PPP1R42: variants seen among roughly 807,000 people sequenced by gnomAD.
PPP1R42 encodes protein phosphatase 1 regulatory subunit 42.
Under a neutral mutation model 31.0 loss-of-function variants are expected in PPP1R42, and 34 were observed. The observed-to-expected ratio is 1.10, with a 90% CI of 0.83 to 1.46. PPP1R42 has a LOEUF of 1.46. Ranked by LOEUF, PPP1R42 falls within the 40% of genes most tolerant of loss-of-function variation. PPP1R42 has a pLI of 0.00. For missense variants in PPP1R42, 268 were observed against 303.0 expected, an observed-to-expected ratio of 0.88 and a Z score of 0.86; for synonymous variants, 103 against 109.8, an observed-to-expected ratio of 0.94 and a Z score of 0.39.
intron 5 of PPP1R42, among the ~76,000 whole-genome samples, chr8:66,990,913 A>G (rs1031388064): frequency 2.6e-5 from 4 of 152,192 alleles, no homozygotes; most frequent in Admixed American, 2.6e-4. Context: ...CAGAGGTTGA[A>G]TAAATTAGAA....
rs555435890 is a variant in PPP1R42 at position 66,996,887 on chromosome 8, C to T, written c.553-8370G>A. Among the ~76,000 whole-genome samples, 8 of 152,268 alleles carry T rather than the reference C, an allele frequency of 5.3e-5. No individual in the cohort carries two copies. The South Asian group carries it at 1.5e-3, about 28-fold the overall frequency. ...GAATTTTTGGCTGGGCACGGTGGCT[C>T]ACACCTGTATTTCTAGCACTTTGGG... On this transcript the variant is annotated intron_variant, in intron 5 of 7. Transcript: ENST00000685739.
At chr8:66,971,269 T>C in intron 7 of PPP1R42, 1 of 571,368 alleles carries the variant, frequency 1.8e-6, no homozygotes, top group Non-Finnish European at 2.7e-6. Flanking sequence ...AAACTAGTAA[T>C]AAAATTAATA....
chr8:66,981,644 G>C (rs1814841933), intron 7 of PPP1R42, among the ~76,000 whole-genome samples: 1 of 152,110 alleles, frequency 6.6e-6, no homozygotes, highest in Non-Finnish European at 1.5e-5. Context: ...TCCTCCCAAA[G>C]TGCTGGGATT....
intron 5 of PPP1R42, among the ~76,000 whole-genome samples, chr8:66,998,423 T>C (rs1016646087): frequency 6.6e-6 from 1 of 152,258 alleles, no homozygotes; most frequent in African/African-American, 2.4e-5. Context: ...CTTTGCTAAA[T>C]ACACTCCATA....
At chr8:66,973,655 T>C (rs1814596262) in intron 7 of PPP1R42, among the ~76,000 whole-genome samples, 1 of 152,150 alleles carries the variant, frequency 6.6e-6, no homozygotes, top group African/African-American at 2.4e-5. Context: ...ATTATTTTTT[T>C]TACCTTAGGT....
Position 66,966,461 on chromosome 8 carries a change from AT to A in PPP1R42, c.803-2128del, listed in dbSNP as rs374344223. ...CCATCTATAAAATGGGGCTTATAGT[AT>A]TCTTAAAAGAGTTCCGTTGTCTTTT... On this transcript the variant is annotated intron_variant, in intron 7 of 7. Coordinates refer to ENST00000685739, the MANE Select transcript of PPP1R42 (RefSeq NM_001364910.1). 1.6e-4 allele frequency among the ~76,000 whole-genome samples: 25 copies of A among 152,314 alleles called. No individual in the cohort carries two copies. The South Asian group carries it at 4.6e-3, about 28-fold the overall frequency.
intron 7 of PPP1R42, among the ~76,000 whole-genome samples, chr8:66,979,334 A>G (rs1341690975): frequency 6.6e-6 from 1 of 152,170 alleles, no homozygotes; most frequent in Non-Finnish European, 1.5e-5. Flanking sequence ...GGATTTCAAG[A>G]TTAGCTTGGG....
chr8:66,998,442 T>C (rs1815394542), intron 5 of PPP1R42, among the ~76,000 whole-genome samples: 1 of 152,236 alleles, frequency 6.6e-6, no homozygotes, highest in African/African-American at 2.4e-5. Flanking sequence ...TAAGTTCTAA[T>C]AGCTTTTTGC....
chr8:66,971,215 T>A, intron 7 of PPP1R42: 1 of 1,052,282 alleles, frequency 9.5e-7, no homozygotes, highest in Non-Finnish European at 1.3e-6. Flanking sequence ...TATAACAATA[T>A]TAGATTATCT....
At chr8:67,013,278 CTTAAT>C (rs1359375101) in intron 3 of PPP1R42, among the ~76,000 whole-genome samples, 182 bp from the exon 4 acceptor site, 1 of 151,926 alleles carries the variant, frequency 6.6e-6, no homozygotes, top group African/African-American at 2.4e-5. Context: ...TATTCTTACA[CTTAAT>C]TTAGTCTAAA....
At chr8:67,018,825 CTTTT>C (rs1554542360) in intron 1 of PPP1R42, among the ~76,000 whole-genome samples, 1 of 48,388 alleles carries the variant, frequency 2.1e-5, no homozygotes, top group Non-Finnish European at 4.1e-5. Flanking sequence ...CCCCCCCCCC[CTTTT>C]TTTTTTTTTT....
chr8:66,984,499 G>C, intron 6 of PPP1R42: 2 of 1,232,484 alleles, frequency 1.6e-6, no homozygotes, highest in South Asian at 2.4e-5. Context: ...CCCAGCATTG[G>C]CCTCAATCTT....
chr8:66,979,213 T>C (rs1814759145), intron 7 of PPP1R42, among the ~76,000 whole-genome samples: 1 of 152,216 alleles, frequency 6.6e-6, no homozygotes, highest in Non-Finnish European at 1.5e-5. Context: ...TGATCCATAC[T>C]GAGTTGATTT....
intron 5 of PPP1R42, among the ~76,000 whole-genome samples, chr8:67,007,937 G>A (rs904024736): frequency 2.0e-5 from 3 of 148,502 alleles, no homozygotes; most frequent in Non-Finnish European, 4.4e-5. Context: ...ACCCAGGCTG[G>A]AATGCAGTGG....
intron 5 of PPP1R42, among the ~76,000 whole-genome samples, chr8:66,990,655 A>G (rs1236958004): frequency 6.6e-6 from 1 of 152,206 alleles, no homozygotes; most frequent in African/African-American, 2.4e-5. Flanking sequence ...TCTGCAGCAC[A>G]GCAATGCTCT....
rs1036255468 is a variant in PPP1R42, at chr8:67,012,994, C to A, written c.399G>T (p.Lys133Asn). Reference protein sequence around the residue: ...VENQRLPLGEKLLFDPRTLHS... With the variant: ...VENQRLPLGENLLFDPRTLHS... Reference sequence around the variant, plus strand: ...GAAGAGTTCTTGGATCAAACAGAAGCTTTTCCCCAAGGGGAAGCCTCTGAT... The same window carrying A: ...GAAGAGTTCTTGGATCAAACAGAAGATTTTCCCCAAGGGGAAGCCTCTGAT... Residue 133 changes from lysine to asparagine, a missense_variant, in exon 4 of 8, where the codon AAG (lysine) becomes AAT (asparagine). Transcript: ENST00000685739. 1.2e-6 allele frequency: 2 copies of A among 1,611,486 alleles called. No individual in the cohort carries two copies. Among genetic ancestry groups the A allele is most frequent in the Admixed American group, 3.4e-5 (2 of 59,490 alleles).
At position 66,995,743 on chromosome 8, in the gene PPP1R42, A is replaced by G. The variant is rs559528859; in HGVS notation, c.553-7226T>C. 3.9e-5 allele frequency among the ~76,000 whole-genome samples: 6 copies of G among 152,378 alleles called. No individual in the cohort carries two copies. In the South Asian group the frequency reaches 6.2e-4, roughly 16 times the overall value. ...TTATGTTAAAAAATTAAAGTGAGAT[A>G]ATCAACACAGTTAAAATATCAAATA... is the stretch of plus-strand genomic sequence containing the variant. On this transcript the variant is annotated intron_variant, in intron 5 of 7. Transcript: ENST00000685739.
chr8:66,965,618 G>T (rs1274113545), intron 7 of PPP1R42, among the ~76,000 whole-genome samples: 3 of 151,754 alleles, frequency 2.0e-5, no homozygotes, highest in Non-Finnish European at 4.4e-5. Context: ...CCAGCTTAAC[G>T]TTATAAGAAT....
chr8:66,974,110 G>A (rs1814608080), intron 7 of PPP1R42, among the ~76,000 whole-genome samples: 1 of 151,440 alleles, frequency 6.6e-6, no homozygotes, highest in South Asian at 2.1e-4. Flanking sequence ...TCCATAAGTG[G>A]GATTGTTGGG....
Sources: gnomAD v4.1 joint callset for allele counts (sites outside exome capture counted in the v4.1 genomes callset) on GRCh38, gnomAD v4.1.1 for gene constraint, MANE v1.5 for transcripts, NCBI Gene and HGNC (gene_info 2026-07-23, HGNC 2026-07-21) for gene names.